DPP6: variants seen among roughly 807,000 people sequenced by gnomAD.
The protein encoded by DPP6 is dipeptidyl peptidase like 6.
Under a neutral mutation model 122.6 loss-of-function variants are expected in DPP6, and 69 were observed. The observed-to-expected ratio is 0.56, with a 90% CI of 0.46 to 0.69. The LOEUF (loss-of-function observed/expected upper bound fraction) is 0.69, where lower values mean the gene tolerates loss of function less well. Among genes scored for constraint, DPP6 ranks in the 30% least tolerant of loss-of-function variants. The probability of loss-of-function intolerance (pLI) is 0.00; values close to 1 mark genes in which losing one functional copy is unlikely to be tolerated. For synonymous variants in DPP6, 418 were observed against 433.1 expected, an observed-to-expected ratio of 0.97 and a Z score of 0.43; for missense variants, 928 against 1,116.9, an observed-to-expected ratio of 0.83 and a Z score of 2.41.
At chr7:154,366,226 C>T (rs1397509215) in intron 1 of DPP6, among the ~76,000 whole-genome samples, 1 of 152,176 alleles carries the variant, frequency 6.6e-6, no homozygotes, top group Non-Finnish European at 1.5e-5. Context: ...CCACAAGTTA[C>T]AAAGATGAAG....
intron 7 of DPP6, among the ~76,000 whole-genome samples, chr7:154,694,255 G>A (rs572989580): frequency 6.6e-6 from 1 of 152,156 alleles, no homozygotes; most frequent in Non-Finnish European, 1.5e-5. Context: ...CATCCCATTG[G>A]GGGTGGGATT....
At chr7:154,560,391 A>G (rs1379329999) in intron 4 of DPP6, among the ~76,000 whole-genome samples, 1 of 152,222 alleles carries the variant, frequency 6.6e-6, no homozygotes, top group Non-Finnish European at 1.5e-5. Flanking sequence ...ACTTTCTTGG[A>G]CAATAGTGGC....
At chr7:154,406,701 ACTT>A (rs10610651) in intron 1 of DPP6, among the ~76,000 whole-genome samples, 22,151 of 152,082 alleles carry the variant, frequency 0.15, 1,621 homozygotes, top group South Asian at 0.17. Flanking sequence ...TTCTCCTGGA[ACTT>A]CTTAGGCAAA....
At chr7:154,171,658 C>T (rs1797539093) in intron 1 of DPP6, among the ~76,000 whole-genome samples, 1 of 152,124 alleles carries the variant, frequency 6.6e-6, no homozygotes, top group African/African-American at 2.4e-5. Flanking sequence ...ACAAGCAGAA[C>T]AACACCTGCC....
rs75116003 is a variant in DPP6, at chr7:153,955,227, G to A, written c.51+67493G>A. 7.0e-3 allele frequency among the ~76,000 whole-genome samples: 1,072 copies of A among 152,168 alleles called. 15 individuals carry two copies. The highest frequency in any genetic ancestry group is 0.024 in the African/African-American group (1,015 of 41,510). The stretch of plus-strand genomic sequence containing the variant: ...GAGGGAAAGTCCTAGTAGGTTTTTA[G>A]GGACCACTGTTCTTTATTGTGTCCT... On this transcript the variant is annotated intron_variant, in intron 1 of 25. Coordinates refer to the DPP6 transcript ENST00000404039.
chr7:154,747,659 A>T (rs1466314195), intron 8 of DPP6, among the ~76,000 whole-genome samples: 1 of 152,152 alleles, frequency 6.6e-6, no homozygotes, highest in Non-Finnish European at 1.5e-5. Flanking sequence ...TGTTAGAAAA[A>T]AAAAATAGAA....
intron 1 of DPP6, among the ~76,000 whole-genome samples, chr7:154,013,567 A>G (rs1798260046): frequency 6.6e-6 from 1 of 151,324 alleles, no homozygotes; most frequent in African/African-American, 2.4e-5. Context: ...TTTACTTCAT[A>G]TCTTTCTGTT....
intron 5 of DPP6, among the ~76,000 whole-genome samples, chr7:154,577,672 G>A (rs962598762): frequency 9.2e-5 from 14 of 152,336 alleles, no homozygotes; most frequent in African/African-American, 3.4e-4. Flanking sequence ...TTTGCTGAGT[G>A]AGATGTGAGA....
At chr7:154,325,319 T>G (rs1314384084) in intron 1 of DPP6, among the ~76,000 whole-genome samples, 2 of 152,176 alleles carry the variant, frequency 1.3e-5, no homozygotes, top group African/African-American at 4.8e-5. Context: ...TCTGCTCAGA[T>G]GGGATGTAGG....
chr7:154,752,955 TG>T (rs1050552558), intron 8 of DPP6, among the ~76,000 whole-genome samples: 2 of 152,102 alleles, frequency 1.3e-5, no homozygotes, highest in African/African-American at 4.8e-5. Flanking sequence ...ACCTGCTGTG[TG>T]CCATGCCCTG....
chr7:153,877,428 G>A, the DPP6 span, among the ~76,000 whole-genome samples: 5 of 151,790 alleles, frequency 3.3e-5, no homozygotes, highest in East Asian at 1.9e-4. Flanking sequence ...TAATTGTATC[G>A]CTATACTTTT....
chr7:154,569,507 A>G (rs1830976660), intron 5 of DPP6, among the ~76,000 whole-genome samples: 1 of 151,948 alleles, frequency 6.6e-6, no homozygotes, highest in East Asian at 1.9e-4. Flanking sequence ...TTATAATGAA[A>G]CTAGAATTTG....
chr7:154,047,505 A>G (rs1448128485), upstream of DPP6, among the ~76,000 whole-genome samples: 1 of 148,526 alleles, frequency 6.7e-6, no homozygotes, highest in Admixed American at 6.6e-5. Flanking sequence ...TCAAATGATC[A>G]CCAGGGACAA....
At chr7:153,909,435 T>TA (rs11432396) in intron 1 of DPP6, among the ~76,000 whole-genome samples, 36,739 of 143,454 alleles carry the variant, frequency 0.26, 4,507 homozygotes, top group Admixed American at 0.3. Context: ...TTATCTATCT[T>TA]AAAAAAAACT....
intron 1 of DPP6, among the ~76,000 whole-genome samples, chr7:154,186,636 G>A (rs766512693): frequency 1.1e-4 from 17 of 152,196 alleles, no homozygotes; most frequent in Non-Finnish European, 1.6e-4. Context: ...GGAGGACTCC[G>A]GTGGATATGA....
intron 7 of DPP6, among the ~76,000 whole-genome samples, chr7:154,691,798 G>T (rs1211706930): frequency 6.7e-6 from 1 of 149,396 alleles, no homozygotes; most frequent in Admixed American, 6.8e-5. Flanking sequence ...CAGCCTGGGT[G>T]ACAGAGTGAG....
intron 10 of DPP6, among the ~76,000 whole-genome samples, chr7:154,788,399 G>A (rs533991006): frequency 5.8e-4 from 88 of 151,300 alleles, no homozygotes; most frequent in African/African-American, 2.0e-3. Context: ...AGCTGAGATC[G>A]TGCCACTGCA....
chr7:154,869,528 A>T (rs1285734747), intron 18 of DPP6, among the ~76,000 whole-genome samples: 1 of 152,232 alleles, frequency 6.6e-6, no homozygotes, highest in Non-Finnish European at 1.5e-5. Flanking sequence ...GAGACCGTGC[A>T]ATCCAGAGAA....
chr7:154,203,654 A>T (rs114188072), intron 1 of DPP6, among the ~76,000 whole-genome samples: 1 of 152,226 alleles, frequency 6.6e-6, no homozygotes, highest in African/African-American at 2.4e-5. Flanking sequence ...GCAGGAGAGC[A>T]GGAGAGAATT....
Sources: allele counts gnomAD v4.1 joint callset (sites outside exome capture counted in the v4.1 genomes callset), GRCh38; gene constraint gnomAD v4.1.1; transcripts MANE v1.5; gene names NCBI Gene and HGNC (gene_info 2026-07-23, HGNC 2026-07-21).